Variants in ABTB3 observed in about 807,000 individuals in gnomAD.
ABTB3 encodes ankyrin repeat and BTB domain containing 3.
the ABTB3 span, among the ~76,000 whole-genome samples, chr12:107,334,726 G>A: frequency 1.3e-5 from 2 of 152,162 alleles, no homozygotes; most frequent in African/African-American, 2.4e-5. Context: ...GCGGGAGTGA[G>A]TATAGAAGGG....
chr12:107,581,007 G>A, the ABTB3 span: 4 of 1,552,270 alleles, frequency 2.6e-6, no homozygotes, highest in Non-Finnish European at 2.6e-6. Context: ...GGAATTCAGA[G>A]GCAGGGTCTC....
chr12:107,550,583 C>CTT, the ABTB3 span, among the ~76,000 whole-genome samples: 2,816 of 135,186 alleles, frequency 0.021, 117 homozygotes, highest in African/African-American at 0.074. Context: ...TTCTTTCTTT[C>CTT]TTTTTTTTTT....
chr12:107,628,266 G>A, the ABTB3 span, among the ~76,000 whole-genome samples: 26 of 152,258 alleles, frequency 1.7e-4, no homozygotes, highest in Admixed American at 3.3e-4. Context: ...TCAGCCTCCC[G>A]AGTAGCTGAG....
At chr12:107,320,896 C>G in the ABTB3 span, among the ~76,000 whole-genome samples, 1,277 of 152,198 alleles carry the variant, frequency 8.4e-3, 18 homozygotes, top group African/African-American at 0.029. Flanking sequence ...TAGTTTAGGG[C>G]GTCGTTTCCA....
chr12:107,614,747 A>C, the ABTB3 span, among the ~76,000 whole-genome samples: 1 of 152,212 alleles, frequency 6.6e-6, no homozygotes, highest in Non-Finnish European at 1.5e-5. Context: ...ACATAAAGTC[A>C]CTGAGACATT....
At chr12:107,539,327 T>C in the ABTB3 span, among the ~76,000 whole-genome samples, 1 of 152,162 alleles carries the variant, frequency 6.6e-6, no homozygotes, top group Admixed American at 6.5e-5. Flanking sequence ...CAACTTTCAC[T>C]GATTGGGAGC....
the ABTB3 span, among the ~76,000 whole-genome samples, chr12:107,473,032 C>T: frequency 6.6e-6 from 1 of 152,174 alleles, no homozygotes; most frequent in Non-Finnish European, 1.5e-5. Flanking sequence ...GCCCAGGGAA[C>T]AGGCGAGGCC....
chr12:107,399,320 A>C, the ABTB3 span, among the ~76,000 whole-genome samples: 28 of 152,322 alleles, frequency 1.8e-4, no homozygotes, highest in East Asian at 5.2e-3. Flanking sequence ...GATCGTGAAC[A>C]AAGGATGTCA....
At chr12:107,547,412 G>T in the ABTB3 span, among the ~76,000 whole-genome samples, 1 of 152,236 alleles carries the variant, frequency 6.6e-6, no homozygotes, top group African/African-American at 2.4e-5. Context: ...ATTACACAGT[G>T]TCCATTTTCC....
the ABTB3 span, chr12:107,650,244 A>G: frequency 6.6e-6 from 1 of 152,226 alleles, no homozygotes; most frequent in Non-Finnish European, 1.5e-5. Flanking sequence ...TACCCATAAA[A>G]TGGGGATAAC....
At chr12:107,464,846 G>T in the ABTB3 span, among the ~76,000 whole-genome samples, 7 of 152,280 alleles carry the variant, frequency 4.6e-5, no homozygotes, top group Admixed American at 2.0e-4. Context: ...AAACATTTCT[G>T]GATGGCATAG....
the ABTB3 span, among the ~76,000 whole-genome samples, chr12:107,359,130 T>C: frequency 5.3e-5 from 8 of 152,176 alleles, no homozygotes; most frequent in African/African-American, 1.9e-4. Context: ...TTGACATTCA[T>C]ACTAATAAAA....
the ABTB3 span, among the ~76,000 whole-genome samples, chr12:107,527,170 T>C: frequency 6.6e-6 from 1 of 152,178 alleles, no homozygotes; most frequent in Admixed American, 6.5e-5. Context: ...GCCTTAATTT[T>C]CTTCTTGCAC....
the ABTB3 span, among the ~76,000 whole-genome samples, chr12:107,500,566 G>T: frequency 3.9e-5 from 6 of 152,074 alleles, no homozygotes; most frequent in South Asian, 6.2e-4. Flanking sequence ...GTCACTAAAG[G>T]CTCTGAGCCG....
At chr12:107,614,765 T>C in the ABTB3 span, among the ~76,000 whole-genome samples, 1 of 152,240 alleles carries the variant, frequency 6.6e-6, no homozygotes, top group African/African-American at 2.4e-5. Flanking sequence ...ATTTTCTCAC[T>C]GCCTTCAAGG....
At chr12:107,353,293 G>A in the ABTB3 span, among the ~76,000 whole-genome samples, 1 of 152,186 alleles carries the variant, frequency 6.6e-6, no homozygotes, top group African/African-American at 2.4e-5. Flanking sequence ...CACCATGTGA[G>A]CCGTCAAGGA....
At chr12:107,418,446 T>C in the ABTB3 span, among the ~76,000 whole-genome samples, 1 of 152,222 alleles carries the variant, frequency 6.6e-6, no homozygotes, top group South Asian at 2.1e-4. Context: ...CTAGAGAACC[T>C]TGACTAATAC....
the ABTB3 span, among the ~76,000 whole-genome samples, chr12:107,397,469 G>A: frequency 6.6e-6 from 1 of 152,046 alleles, no homozygotes; most frequent in Non-Finnish European, 1.5e-5. Flanking sequence ...TGGATTGCTT[G>A]TCTGTGTGTG....
chr12:107,533,985 T>G, the ABTB3 span, among the ~76,000 whole-genome samples: 3 of 152,290 alleles, frequency 2.0e-5, no homozygotes, highest in African/African-American at 7.2e-5. Flanking sequence ...TGGAAATACA[T>G]GGACACTAAA....
Sources: gnomAD v4.1 joint callset for allele counts (sites outside exome capture counted in the v4.1 genomes callset) on GRCh38, gnomAD v4.1.1 for gene constraint, MANE v1.5 for transcripts, NCBI Gene and HGNC (gene_info 2026-07-23, HGNC 2026-07-21) for gene names.